Variants in ZNF284 observed in about 807,000 individuals in gnomAD.
The protein encoded by ZNF284 is zinc finger protein 284.
ZNF284 carries 12 observed loss-of-function variants against 12.9 expected under a neutral mutation model. The ratio of observed to expected loss-of-function variants is 0.93; its 90% CI spans 0.60 to 1.51. The LOEUF (loss-of-function observed/expected upper bound fraction) is 1.51, where lower values mean the gene tolerates loss of function less well. Among genes scored for constraint, ZNF284 ranks in the 40% most tolerant of loss-of-function variants. ZNF284 has a pLI of 0.00. For missense variants in ZNF284, 667 were observed against 707.3 expected (o/e 0.94, Z 0.65); for synonymous variants, 225 against 236.5 (o/e 0.95, Z 0.45).
rs1351358365 is a variant in ZNF284, at chr19:44,083,487, AGAGAGAGAGAGAGAGG to A, written c.235+1385_235+1400del. Among the ~76,000 whole-genome samples, 407 of 98,082 alleles carry A rather than the reference AGAGAGAGAGAGAGAGG, an allele frequency of 4.1e-3. 54 individuals are homozygous for A. The highest frequency in any genetic ancestry group is 5.1e-3 in the Middle Eastern group (1 of 196). The allele number at this position is 98,082 out of a possible 152,430, so 64.3% of individuals were successfully genotyped here. A position where few individuals can be genotyped will look rare whatever the true frequency, so the allele number is the denominator to read the frequency against. ...TATATATATATATAGAGAGAGAGAG[AGAGAGAGAGAGAGAGG>A]GAATGGAATACCATCCTATCTTTAC... On this transcript the variant is annotated intron_variant, in intron 4 of 4. Transcript: ENST00000421176.
intron 2 of ZNF284, among the ~76,000 whole-genome samples, chr19:44,077,203 G>T (rs1967044603): frequency 6.6e-6 from 1 of 152,208 alleles, no homozygotes; most frequent in African/African-American, 2.4e-5. Flanking sequence ...CACGTTGGTT[G>T]TTTTGTAGAT....
chr19:44,078,300 A>G (rs1967066231), intron 2 of ZNF284, among the ~76,000 whole-genome samples: 1 of 152,214 alleles, frequency 6.6e-6, no homozygotes, highest in Non-Finnish European at 1.5e-5. Flanking sequence ...ATCACAGGAA[A>G]TTTGATAATC....
chr19:44,086,888 T>C lies in ZNF284; in HGVS notation c.1410T>C (p.Ile470=), dbSNP rs200675626. The C allele has an allele frequency of 6.2e-7, 1 of 1,613,904 alleles. No homozygotes were observed. The highest frequency in any genetic ancestry group is 2.2e-5 in the East Asian group (1 of 44,886). The change falls in exon 5 of 5, where the codon ATT becomes ATC. Residue 470 remains isoleucine (I), a synonymous_variant. Transcript: ENST00000421176. ...CGKSFRWASG[I]LRHKRLHTGE... The stretch of plus-strand genomic sequence containing the variant: ...AGAGCTTCAGGTGGGCCTCAGGTAT[T>C]TTGAGACATAAGAGACTCCATACTG...
chr19:44,089,396 A>G lies in ZNF284; in HGVS notation c.*2136A>G. The G allele has an allele frequency of 6.6e-6, 1 of 152,026 alleles. No individual in the cohort carries two copies. Among genetic ancestry groups the G allele is most frequent in the East Asian group, 1.9e-4 (1 of 5,188 alleles). 9.4% of individuals were successfully genotyped at this position (152,026 alleles called of 1,614,324 possible). On this transcript the variant is annotated 3_prime_UTR_variant, in exon 5 of 5. Transcript: ENST00000421176. ...TGGAAATCACTAAACAACAAAGAAAATCTGATGAATTGGACAGCATAAAAA... is the reference window on the plus strand; with the variant it reads ...TGGAAATCACTAAACAACAAAGAAAGTCTGATGAATTGGACAGCATAAAAA...
intron 2 of ZNF284, among the ~76,000 whole-genome samples, chr19:44,078,289 A>C (rs1468197635): frequency 6.6e-6 from 1 of 152,224 alleles, no homozygotes; most frequent in Non-Finnish European, 1.5e-5. Flanking sequence ...AGATTATCAA[A>C]ATCACAGGAA....
At position 44,086,360 on chromosome 19, in the gene ZNF284, G is replaced by C; in HGVS notation, c.882G>C (p.Lys294Asn). The C allele has an allele frequency of 6.2e-7, 1 of 1,614,164 alleles. No individual in the cohort carries two copies. The highest frequency in any genetic ancestry group is 8.5e-7 in the Non-Finnish European group (1 of 1,180,016). ...CATTCAAATGTTATATATGTGGTAA[G>C]AGCTTCCATAGTAGATCAAATCTTA... ...EKPFKCYICG[K>N]SFHSRSNLNR... The change falls in exon 5 of 5, where the codon AAG becomes AAC. Residue 294 changes from lysine (K) to asparagine (N), a missense_variant. Coordinates refer to ENST00000421176, the MANE Select transcript of ZNF284 (RefSeq NM_001037813.4).
At chr19:44,082,882 T>C (rs959782686) in intron 4 of ZNF284, among the ~76,000 whole-genome samples, 2 of 152,238 alleles carry the variant, frequency 1.3e-5, no homozygotes, top group Admixed American at 1.3e-4. Flanking sequence ...TCTCTTTAGC[T>C]GACTAGTGAC....
intron 2 of ZNF284, among the ~76,000 whole-genome samples, chr19:44,077,535 CTTTTTTTT>C (rs763788955): frequency 1.3e-5 from 1 of 76,238 alleles, no homozygotes; most frequent in African/African-American, 4.9e-5. Flanking sequence ...ATTTTTCTGT[CTTTTTTTT>C]TTTTTTTTTT....
chr19:44,083,474 T>TAGAGAGAGAGAGAG (rs60441974), intron 4 of ZNF284, among the ~76,000 whole-genome samples: 3 of 64,920 alleles, frequency 4.6e-5, no homozygotes, highest in African/African-American at 9.9e-5. Context: ...TATATATATA[T>TAGAGAGAGAGAGAG]AGAGAGAGAG....
rs373559407 is a variant in ZNF284, at chr19:44,076,397, T to G, written c.8T>G (p.Met3Arg). 6.2e-7 allele frequency: 1 copy of G among 1,609,772 alleles called. No individual in the cohort carries two copies. Among genetic ancestry groups the G allele is most frequent in the East Asian group, 2.2e-5 (1 of 44,802 alleles). The stretch of plus-strand genomic sequence containing the variant: ...CCCAAAGAAGGAGGAAAAATGACCA[T>G]GTTCAAGGTGAGTAAGTCTGGTCTC... MTMFKEAVTFKDV... is the reference protein window; with the variant it reads MTRFKEAVTFKDV... The change falls in exon 2 of 5, where the codon ATG becomes AGG. Residue 3 changes from methionine (M) to arginine (R), a missense_variant. Physicochemically the swap from Met to Arg is moderately conservative, Grantham distance 91. Coordinates refer to ENST00000421176, the MANE Select transcript of ZNF284 (RefSeq NM_001037813.4).
intron 2 of ZNF284, among the ~76,000 whole-genome samples, chr19:44,079,476 A>G (rs62115512): frequency 0.86 from 131,428 of 152,044 alleles, 57,203 homozygotes; most frequent in African/African-American, 0.91. Context: ...TTGGGAGGCC[A>G]AGGCAGGCGG....
intron 4 of ZNF284, among the ~76,000 whole-genome samples, chr19:44,083,505 A>AGAGAGAG (rs1599880410): frequency 1.8e-5 from 2 of 109,558 alleles, no homozygotes; most frequent in African/African-American, 6.2e-5. Context: ...AGAGAGAGGG[A>AGAGAGAG]ATGGAATACC....
rs1477528318 is a variant in ZNF284 at position 44,083,497 on chromosome 19, AGAGAGGGAAT to A, written c.235+1394_235+1403del. Among the ~76,000 whole-genome samples the A allele has an allele frequency of 4.5e-4, 36 of 80,844 alleles. 2 individuals carry two copies. The highest frequency in any genetic ancestry group is 8.3e-4 in the Non-Finnish European group (28 of 33,656). The allele number at this position is 80,844 out of a possible 152,430, so 53.0% of individuals were successfully genotyped here. A position where few individuals can be genotyped will look rare whatever the true frequency, so the allele number is the denominator to read the frequency against. On this transcript the variant is annotated intron_variant, in intron 4 of 4. Transcript: ENST00000421176. ...TATAGAGAGAGAGAGAGAGAGAGAG[AGAGAGGGAAT>A]GGAATACCATCCTATCTTTACCCTT...
At position 44,087,318 on chromosome 19, in the gene ZNF284, G is replaced by A. The variant is rs1053775850; in HGVS notation, c.*58G>A. The A allele has an allele frequency of 8.3e-7, 1 of 1,203,624 alleles. No individual in the cohort carries two copies. The highest frequency in any genetic ancestry group is 1.9e-5 in the South Asian group (1 of 53,816). The allele number at this position is 1,203,624 out of a possible 1,614,324, so 74.6% of individuals were successfully genotyped here. A position where few individuals can be genotyped will look rare whatever the true frequency, so the allele number is the denominator to read the frequency against. ...TCAATACATGTATACAATGTATAAT[G>A]ATCAAATCAGTGTTATTAGCATATC... On this transcript the variant is annotated 3_prime_UTR_variant, in exon 5 of 5. Transcript: ENST00000421176.
intron 2 of ZNF284, among the ~76,000 whole-genome samples, chr19:44,077,064 C>T (rs1967041485): frequency 6.6e-6 from 1 of 152,160 alleles, no homozygotes; most frequent in African/African-American, 2.4e-5. Flanking sequence ...AAGTGGTCTG[C>T]CTGCCTCAGC....
In ZNF284 at chr19:44,087,871, G is replaced by A. The variant is rs1376121043; in HGVS notation, c.*611G>A. On this transcript the variant is annotated 3_prime_UTR_variant, in exon 5 of 5. Transcript: ENST00000421176. ...CAACCTCTGCCTCCTGGGTTCAAAC[G>A]ATTCTTCCCTGCCTTGGCCTCCCGA... 1.8e-3 allele frequency: 1 copy of A among 566 alleles called. No individual in the cohort carries two copies. Among genetic ancestry groups the A allele is most frequent in the Non-Finnish European group, 2.3e-3 (1 of 442 alleles). 0.0% of individuals were successfully genotyped at this position (566 alleles called of 1,614,324 possible). A position where few individuals can be genotyped will look rare whatever the true frequency, so the allele number is the denominator to read the frequency against.
intron 3 of ZNF284, 60 bp from the exon 4 acceptor site, chr19:44,081,952 TA>T: frequency 7.0e-7 from 1 of 1,431,188 alleles, no homozygotes; most frequent in Non-Finnish European, 9.8e-7. Context: ...AGTGAGAACC[TA>T]AATTTCTAGT....
rs2147502578 is a variant in ZNF284 at position 44,082,037 on chromosome 19, CT to C, written c.171del (p.His58ThrfsTer54). ...SVGHQLSHRD[T>X]FHFQREEKFW... ...GGGCATCAACTTTCCCACCGAGATA[CT>C]TTTCACTTCCAAAGAGAAGAAAAGT... On this transcript the variant is annotated frameshift_variant, in exon 4 of 5. Coordinates refer to ENST00000421176, the MANE Select transcript of ZNF284 (RefSeq NM_001037813.4). LOFTEE classifies it high-confidence loss of function. 1.9e-6 allele frequency: 3 copies of C among 1,613,934 alleles called. No homozygotes were observed. Among genetic ancestry groups the C allele is most frequent in the Non-Finnish European group, 2.5e-6 (3 of 1,179,902 alleles).
rs1967234230 is a variant in ZNF284 at position 44,086,045 on chromosome 19, T to A, written c.567T>A (p.Ala189=). Residue 189 remains alanine (A), a synonymous_variant, in exon 5 of 5, where the codon GCT becomes GCA. Transcript: ENST00000421176. ...EYRKRFCYSS[A]LCLHQKVHMG... is the part of the protein sequence containing the mutation. ...GGAAGAGATTCTGTTATAGCTCAGCTCTTTGTCTTCATCAGAAAGTTCACA... is the reference window on the plus strand; with the variant it reads ...GGAAGAGATTCTGTTATAGCTCAGCACTTTGTCTTCATCAGAAAGTTCACA... 6 of 1,614,204 alleles carry A rather than the reference T, an allele frequency of 3.7e-6. No individual in the cohort carries two copies. The Admixed American group carries it at 6.7e-5, about 18-fold the overall frequency.
Sources: allele counts gnomAD v4.1 joint callset (sites outside exome capture counted in the v4.1 genomes callset), GRCh38; gene constraint gnomAD v4.1.1; transcripts MANE v1.5; gene names NCBI Gene and HGNC (gene_info 2026-07-23, HGNC 2026-07-21).